Variants in CSMD1 observed in about 807,000 individuals in gnomAD.
CSMD1 encodes CUB and Sushi multiple domains 1.
CSMD1 carries 213 observed loss-of-function variants against 417.5 expected under a neutral mutation model. The ratio of observed to expected loss-of-function variants is 0.51; its 90% CI spans 0.46 to 0.57. The LOEUF (loss-of-function observed/expected upper bound fraction) is 0.57, where lower values mean the gene tolerates loss of function less well. CSMD1 is among the 20% of genes least tolerant of loss of function. CSMD1 has a pLI of 0.00. For missense variants in CSMD1, 6,923 were observed against 4,529.7 expected (o/e 1.53, Z -15.17); for synonymous variants, 2,862 against 1,736.8 (o/e 1.65, Z -16.11).
chr8:3,478,276 G>T (rs12114645), intron 11 of CSMD1, among the ~76,000 whole-genome samples: 4 of 152,194 alleles, frequency 2.6e-5, no homozygotes, highest in African/African-American at 7.2e-5. Context: ...GCGTGAAAAA[G>T]ATGTAATCCA....
At chr8:3,699,373 G>A (rs553946672) in intron 7 of CSMD1, among the ~76,000 whole-genome samples, 10 of 152,268 alleles carry the variant, frequency 6.6e-5, no homozygotes, top group South Asian at 4.2e-4. Context: ...AATTATTTGT[G>A]CTTTTCTCCA....
intron 3 of CSMD1, among the ~76,000 whole-genome samples, chr8:4,059,107 G>A (rs1348023590): frequency 5.9e-5 from 9 of 152,128 alleles, no homozygotes; most frequent in African/African-American, 1.2e-4. Flanking sequence ...AGACCACAGT[G>A]CAATCAAACT....
At chr8:3,266,529 C>G (rs1585857419) in intron 26 of CSMD1, among the ~76,000 whole-genome samples, 1 of 148,782 alleles carries the variant, frequency 6.7e-6, no homozygotes, top group African/African-American at 2.5e-5. Flanking sequence ...TCACTTGAAC[C>G]CAGGAGGCAG....
intron 7 of CSMD1, among the ~76,000 whole-genome samples, chr8:3,705,471 C>A (rs572798769): frequency 1.3e-5 from 2 of 152,328 alleles, no homozygotes; most frequent in South Asian, 4.1e-4. Flanking sequence ...CAGCCTCACA[C>A]TCTACAGTGA....
chr8:4,797,441 G>T (rs564226345), intron 1 of CSMD1, among the ~76,000 whole-genome samples: 2 of 152,254 alleles, frequency 1.3e-5, no homozygotes, highest in Admixed American at 6.5e-5. Flanking sequence ...GAACACCTAA[G>T]TACCAAATAT....
intron 10 of CSMD1, among the ~76,000 whole-genome samples, chr8:3,551,949 C>G (rs950219880): frequency 6.6e-6 from 1 of 152,154 alleles, no homozygotes; most frequent in African/African-American, 2.4e-5. Context: ...AAAGATGAGG[C>G]TGCCACTGTG....
chr8:4,069,560 C>G (rs554817012), intron 3 of CSMD1, among the ~76,000 whole-genome samples: 8 of 152,206 alleles, frequency 5.3e-5, no homozygotes, highest in African/African-American at 1.9e-4. Context: ...GCCTCCCATT[C>G]ACAGGCATCC....
chr8:3,451,142 G>A lies in CSMD1; in HGVS notation c.1561+17570C>T, dbSNP rs183559855. On this transcript the variant is annotated intron_variant, in intron 12 of 69. Transcript: ENST00000635120. ...TGAGAAGTGTCTGTTCATATCCTTC[G>A]CCCACTTTTTGATGGGGTTGCTTGT... 1.0e-3 allele frequency among the ~76,000 whole-genome samples: 159 copies of A among 152,216 alleles called. 1 individual carries two copies. The highest frequency in any genetic ancestry group is 3.4e-3 in the African/African-American group (141 of 41,524).
At chr8:4,607,318 A>C (rs924331003) in intron 2 of CSMD1, among the ~76,000 whole-genome samples, 2 of 152,188 alleles carry the variant, frequency 1.3e-5, no homozygotes, top group Admixed American at 6.5e-5. Context: ...ACGTATCAGA[A>C]TGTTAAGGGT....
chr8:4,018,689 G>T (rs751678387), intron 4 of CSMD1, among the ~76,000 whole-genome samples: 1 of 152,194 alleles, frequency 6.6e-6, no homozygotes, highest in Admixed American at 6.5e-5. Context: ...TCAATTTTAA[G>T]TTAGGTTCTT....
chr8:4,263,347 A>T (rs151310442), intron 3 of CSMD1, among the ~76,000 whole-genome samples: 2 of 152,288 alleles, frequency 1.3e-5, no homozygotes, highest in Admixed American at 1.3e-4. Flanking sequence ...CCCTGGAGTT[A>T]TGGTGAACAA....
chr8:4,042,811 A>T (rs1358163433), intron 3 of CSMD1, among the ~76,000 whole-genome samples: 1 of 126,428 alleles, frequency 7.9e-6, no homozygotes, highest in East Asian at 2.2e-4. Flanking sequence ...GTGGTACAAC[A>T]TATTAAAAAA....
chr8:4,124,327 G>C (rs1212394037), intron 3 of CSMD1, among the ~76,000 whole-genome samples: 1 of 152,132 alleles, frequency 6.6e-6, no homozygotes. Context: ...CTATCAAGCT[G>C]ATTCTAAATG....
At chr8:4,343,752 G>T (rs1183273550) in intron 3 of CSMD1, among the ~76,000 whole-genome samples, 2 of 151,988 alleles carry the variant, frequency 1.3e-5, no homozygotes, top group African/African-American at 2.4e-5. Context: ...CTTGATGTGT[G>T]CACTGGGGCT....
At chr8:3,661,199 G>A (rs1585034793) in intron 7 of CSMD1, among the ~76,000 whole-genome samples, 1 of 152,178 alleles carries the variant, frequency 6.6e-6, no homozygotes, top group South Asian at 2.1e-4. Flanking sequence ...AGGCAGACAA[G>A]ATTGAGAACC....
Position 4,994,675 on chromosome 8 carries a change from G to C in CSMD1, c.-259C>G, listed in dbSNP as rs888084218. 30 of 417,272 alleles carry C rather than the reference G, an allele frequency of 7.2e-5. No homozygotes were observed. The highest frequency in any genetic ancestry group is 1.1e-4 in the African/African-American group (5 of 47,332). 25.8% of individuals were successfully genotyped at this position (417,272 alleles called of 1,614,324 possible). On this transcript the variant is annotated 5_prime_UTR_variant, in exon 1 of 70. Coordinates refer to ENST00000635120, the MANE Select transcript of CSMD1 (RefSeq NM_033225.6). ...GGCTGGCGGGGCCGGGGCCGGGGACGAGCGCCGGCCGAGCCGGGCAGGAAG... is the reference window on the plus strand; with the variant it reads ...GGCTGGCGGGGCCGGGGCCGGGGACCAGCGCCGGCCGAGCCGGGCAGGAAG...
intron 3 of CSMD1, among the ~76,000 whole-genome samples, chr8:4,173,542 G>A (rs76920074): frequency 2.0e-5 from 3 of 152,090 alleles, no homozygotes; most frequent in Non-Finnish European, 4.4e-5. Context: ...TGGTTTACAA[G>A]AAAGGAGAAA....
intron 1 of CSMD1, among the ~76,000 whole-genome samples, chr8:4,667,719 T>A (rs957695635): frequency 6.6e-6 from 1 of 152,250 alleles, no homozygotes; most frequent in Non-Finnish European, 1.5e-5. Context: ...TTAAATCACA[T>A]GGCATTATTA....
intron 3 of CSMD1, among the ~76,000 whole-genome samples, chr8:4,292,949 C>T (rs1020045546): frequency 6.6e-6 from 1 of 152,176 alleles, no homozygotes; most frequent in Non-Finnish European, 1.5e-5. Context: ...ACAAGGGACC[C>T]ACAAAGCACT....
Sources: gnomAD v4.1 joint callset for allele counts (sites outside exome capture counted in the v4.1 genomes callset) on GRCh38, gnomAD v4.1.1 for gene constraint, MANE v1.5 for transcripts, NCBI Gene and HGNC (gene_info 2026-07-23, HGNC 2026-07-21) for gene names.